The following VEPH1 variants were observed in gnomAD, a reference collection of about 807,000 sequenced individuals.
The protein encoded by VEPH1 is ventricular zone-expressed PH domain-containing protein homolog 1.
VEPH1 carries 80 observed loss-of-function variants against 85.2 expected under a neutral mutation model. That is an observed-to-expected ratio of 0.94 (90% confidence interval 0.78 to 1.13). The LOEUF (loss-of-function observed/expected upper bound fraction) is 1.13. Among genes scored for constraint, VEPH1 ranks in the 50% most tolerant of loss-of-function variants. VEPH1 has a pLI of 0.00. For missense variants in VEPH1, 955 were observed against 980.5 expected (o/e 0.97, Z 0.35); for synonymous variants, 297 against 348.0 (o/e 0.85, Z 1.63).
intron 11 of VEPH1, among the ~76,000 whole-genome samples, chr3:157,287,718 C>A (rs1716961616): frequency 6.6e-6 from 1 of 151,864 alleles, no homozygotes; most frequent in South Asian, 2.1e-4. Context: ...GTGCCTGCCA[C>A]CACACCTGGC....
At chr3:157,429,266 A>T (rs912563837) in intron 4 of VEPH1, among the ~76,000 whole-genome samples, 16 of 152,226 alleles carry the variant, frequency 1.1e-4, no homozygotes, top group Admixed American at 5.9e-4. Context: ...GTTTCTAGGG[A>T]TTTTTTGAAC....
At chr3:157,478,074 G>C (rs1044724723) in intron 2 of VEPH1, among the ~76,000 whole-genome samples, 1 of 152,126 alleles carries the variant, frequency 6.6e-6, no homozygotes, top group African/African-American at 2.4e-5. Context: ...TCAGCTGTTG[G>C]TTTGTAGCCA....
chr3:157,389,406 T>A (rs1273240719), intron 6 of VEPH1, among the ~76,000 whole-genome samples: 1 of 152,090 alleles, frequency 6.6e-6, no homozygotes, highest in Non-Finnish European at 1.5e-5. Context: ...AGATACTTGT[T>A]TACAGTATGA....
chr3:157,292,924 G>A (rs1378426934), intron 11 of VEPH1, among the ~76,000 whole-genome samples: 5 of 149,434 alleles, frequency 3.3e-5, no homozygotes, highest in East Asian at 2.0e-4. Context: ...CGGAGGTTGC[G>A]GTGAGCTGAG....
intron 3 of VEPH1, among the ~76,000 whole-genome samples, chr3:157,461,289 A>G (rs188006241): frequency 1.3e-5 from 2 of 152,250 alleles, no homozygotes; most frequent in Non-Finnish European, 2.9e-5. Context: ...TGGTCAACAA[A>G]TTGTTTTCTT....
chr3:157,272,375 T>TTTCCTTTCTTTC, intron 12 of VEPH1, among the ~76,000 whole-genome samples: 1 of 95,038 alleles, frequency 1.1e-5, no homozygotes, highest in South Asian at 4.1e-4. Context: ...TTTCTCTTTC[T>TTTCCTTTCTTTC]TTTCTTTCTT....
Position 157,410,606 on chromosome 3 carries a change from T to C in VEPH1, c.906+3275A>G, listed in dbSNP as rs142392333. Among the ~76,000 whole-genome samples, 666 of 152,290 alleles carry C rather than the reference T, an allele frequency of 4.4e-3. 1 individual carries two copies. Among genetic ancestry groups the C allele is most frequent in the Admixed American group, 6.8e-3 (104 of 15,292 alleles). On this transcript the variant is annotated intron_variant, in intron 6 of 13. Coordinates refer to ENST00000362010, the MANE Select transcript of VEPH1 (RefSeq NM_001167912.2). ...CTCTGTTACTAGCTGCTTAGATTACTACACTTATTCTTGGGACATCTGAAA... is the reference window on the plus strand; with the variant it reads ...CTCTGTTACTAGCTGCTTAGATTACCACACTTATTCTTGGGACATCTGAAA...
intron 9 of VEPH1, among the ~76,000 whole-genome samples, chr3:157,352,825 GT>G (rs1276887154): frequency 4.6e-5 from 7 of 152,166 alleles, no homozygotes; most frequent in Non-Finnish European, 7.4e-5. Flanking sequence ...TGTTTTTCAA[GT>G]TTCTTTAAGC....
intron 4 of VEPH1, chr3:157,438,037 GCACA>G (rs781700719): frequency 1.5e-3 from 784 of 513,818 alleles, no homozygotes; most frequent in East Asian, 6.0e-3. Flanking sequence ...GCGCGCGCGC[GCACA>G]CACACACACA....
At chr3:157,406,747 T>C (rs2109002096) in intron 6 of VEPH1, among the ~76,000 whole-genome samples, 1 of 135,758 alleles carries the variant, frequency 7.4e-6, no homozygotes, top group East Asian at 2.5e-4. Flanking sequence ...CCACGTGCTA[T>C]GAGATCATTT....
chr3:157,377,573 A>T (rs1728265912), intron 7 of VEPH1, among the ~76,000 whole-genome samples: 1 of 152,024 alleles, frequency 6.6e-6, no homozygotes, highest in African/African-American at 2.4e-5. Flanking sequence ...AGGTAATTGA[A>T]TCATAGGGGC....
chr3:157,297,153 C>T (rs1718236130), intron 11 of VEPH1, among the ~76,000 whole-genome samples: 1 of 152,106 alleles, frequency 6.6e-6, no homozygotes, highest in Admixed American at 6.6e-5. Flanking sequence ...TAAGAAGCTC[C>T]TTTTTATGTG....
chr3:157,342,499 C>T (rs899237290), intron 9 of VEPH1, among the ~76,000 whole-genome samples: 2 of 152,128 alleles, frequency 1.3e-5, no homozygotes, highest in East Asian at 3.9e-4. Context: ...TACATGCATC[C>T]AATACATGAG....
chr3:157,488,784 G>C (rs1410750093), intron 2 of VEPH1, among the ~76,000 whole-genome samples: 2 of 151,950 alleles, frequency 1.3e-5, no homozygotes, highest in East Asian at 3.9e-4. Context: ...AGTGGAACTC[G>C]TGATTCTTCC....
intron 6 of VEPH1, among the ~76,000 whole-genome samples, chr3:157,411,968 C>G (rs761539538): frequency 1.3e-4 from 20 of 152,132 alleles, no homozygotes; most frequent in Non-Finnish European, 2.6e-4. Flanking sequence ...GGAGGTGACT[C>G]GATCACGAGG....
intron 12 of VEPH1, among the ~76,000 whole-genome samples, chr3:157,284,130 C>T (rs963790262): frequency 2.0e-5 from 3 of 152,138 alleles, no homozygotes; most frequent in African/African-American, 7.2e-5. Flanking sequence ...AATTTGATAT[C>T]GTTACCATAT....
intron 6 of VEPH1, among the ~76,000 whole-genome samples, chr3:157,402,274 T>C (rs1452738526): frequency 2.6e-5 from 4 of 152,164 alleles, no homozygotes; most frequent in Admixed American, 2.6e-4. Flanking sequence ...TTGTATTTAC[T>C]AGCCAAGAAG....
intron 4 of VEPH1, among the ~76,000 whole-genome samples, chr3:157,429,144 C>T (rs934463466): frequency 7.9e-5 from 12 of 152,096 alleles, no homozygotes; most frequent in African/African-American, 2.2e-4. Flanking sequence ...TATTACATAA[C>T]GTATAGAAAC....
At chr3:157,352,914 G>A in intron 9 of VEPH1, among the ~76,000 whole-genome samples, 1 of 152,118 alleles carries the variant, frequency 6.6e-6, no homozygotes, top group Non-Finnish European at 1.5e-5. Context: ...TCTGTTTGCA[G>A]GGCAGGTAAA....
Sources: gnomAD v4.1 joint callset for allele counts (sites outside exome capture counted in the v4.1 genomes callset) on GRCh38, gnomAD v4.1.1 for gene constraint, MANE v1.5 for transcripts, NCBI Gene and HGNC (gene_info 2026-07-23, HGNC 2026-07-21) for gene names.